The following CRYBG1 variants were observed in gnomAD, a reference collection of about 807,000 sequenced individuals.
CRYBG1 encodes crystallin beta-gamma domain containing 1.
CRYBG1 carries 139 observed loss-of-function variants against 189.2 expected under a neutral mutation model. The ratio of observed to expected loss-of-function variants is 0.73; its 90% confidence interval spans 0.64 to 0.85. The LOEUF is 0.85. CRYBG1 is among the 40% of genes least tolerant of loss of function. The probability of loss-of-function intolerance (pLI) is 0.00; values close to 1 mark genes in which losing one functional copy is unlikely to be tolerated. For synonymous variants in CRYBG1, 1,023 were observed against 1,017.1 expected (o/e 1.01, Z -0.11); for missense variants, 2,611 against 2,675.8 (o/e 0.98, Z 0.53).
rs1227060033 is a variant in CRYBG1 at position 106,539,422 on chromosome 6, C to T, written c.4738C>T (p.Pro1580Ser). 1.9e-6 allele frequency: 3 copies of T among 1,614,014 alleles called. No individual in the cohort carries two copies. The highest frequency in any genetic ancestry group is 2.7e-5 in the African/African-American group (2 of 75,036). The stretch of plus-strand genomic sequence containing the variant: ...ATTTAGGTGGCTGATTTATGAAGAA[C>T]CTGGATTTCAGGGTGTTCCTTTCAT... ...HWGTWLIYEE[P>S]GFQGVPFILE... Residue 1580 changes from proline to serine, a missense_variant, in exon 9 of 22, where the codon CCT (proline) becomes TCT (serine). Transcript: ENST00000633556.
At chr6:106,405,488 G>A (rs1770804032) in intron 1 of CRYBG1, among the ~76,000 whole-genome samples, 1 of 152,226 alleles carries the variant, frequency 6.6e-6, no homozygotes, top group Non-Finnish European at 1.5e-5. Context: ...CTGCCTGCTG[G>A]CTCTGAAGAG....
intron 2 of CRYBG1, among the ~76,000 whole-genome samples, chr6:106,458,443 A>C (rs558948847): frequency 6.6e-6 from 1 of 152,242 alleles, no homozygotes; most frequent in South Asian, 2.1e-4. Flanking sequence ...CTGTGTTGCC[A>C]CTTACCTTGA....
At chr6:106,517,435 C>CATATATATAT (rs1554188250) in intron 3 of CRYBG1, among the ~76,000 whole-genome samples, 2,203 of 124,324 alleles carry the variant, frequency 0.018, 73 homozygotes, top group African/African-American at 0.072. Flanking sequence ...TATATACACA[C>CATATATATAT]ACACATATAT....
chr6:106,429,766 C>T (rs551360533), intron 1 of CRYBG1, among the ~76,000 whole-genome samples: 4 of 152,300 alleles, frequency 2.6e-5, no homozygotes, highest in Non-Finnish European at 5.9e-5. Flanking sequence ...CAAGTAATAA[C>T]ACCTATCTCA....
chr6:106,423,636 C>T (rs1437446406), intron 1 of CRYBG1, among the ~76,000 whole-genome samples: 3 of 147,632 alleles, frequency 2.0e-5, no homozygotes, highest in Non-Finnish European at 4.5e-5. Flanking sequence ...ATTTAATTCA[C>T]TTTTACTTTT....
intron 1 of CRYBG1, among the ~76,000 whole-genome samples, chr6:106,417,919 T>C (rs563067078): frequency 6.6e-6 from 1 of 152,258 alleles, no homozygotes; most frequent in South Asian, 2.1e-4. Context: ...CACAGCTCAA[T>C]GGATGGCAGT....
chr6:106,538,061 G>A (rs1010150617), intron 8 of CRYBG1, among the ~76,000 whole-genome samples: 10 of 152,196 alleles, frequency 6.6e-5, no homozygotes, highest in Non-Finnish European at 1.3e-4. Flanking sequence ...TTGGCATGGT[G>A]TTCTGGGGAA....
rs761941028 is a variant in CRYBG1, at chr6:106,519,713, A to G, written c.2505A>G (p.Ala835=). 9.9e-6 allele frequency: 16 copies of G among 1,614,078 alleles called. No homozygotes were observed. The highest frequency in any genetic ancestry group is 1.2e-5 in the Non-Finnish European group (14 of 1,180,052). ...TACTTGAAAATGTAACCGATACAGC[A>G]CAAGACATCCCCACCACTGTGGATA... ...SLVLENVTDT[A]QDIPTTVDTK... is the part of the protein sequence containing the mutation. The change falls in exon 4 of 22, where the codon GCA becomes GCG. Residue 835 remains alanine (A), a synonymous_variant. Transcript: ENST00000633556.
Position 106,360,750 on chromosome 6 carries a change from G to C in CRYBG1, c.-159G>C. Reference sequence around the variant, plus strand: ...TCGCGCTGCGCTGGGTGCTGGTTCTGCAACCCGCGGCCGTCCCCCCGCATC... The same window carrying C: ...TCGCGCTGCGCTGGGTGCTGGTTCTCCAACCCGCGGCCGTCCCCCCGCATC... On this transcript the variant is annotated 5_prime_UTR_variant, in exon 1 of 22. Coordinates refer to ENST00000633556, the MANE Select transcript of CRYBG1 (RefSeq NM_001371242.2). The C allele has an allele frequency of 1.2e-6, 1 of 811,240 alleles. No homozygotes were observed. Among genetic ancestry groups the C allele is most frequent in the Non-Finnish European group, 1.8e-6 (1 of 548,902 alleles). The allele number at this position is 811,240 out of a possible 1,614,324, so 50.3% of individuals were successfully genotyped here.
rs756681428 is a variant in CRYBG1 at position 106,519,840 on chromosome 6, G to A, written c.2632G>A (p.Ala878Thr). The A allele has an allele frequency of 2.5e-6, 4 of 1,614,122 alleles. No homozygotes were observed. Residue 878 changes from alanine to threonine, a missense_variant, in exon 4 of 22, where the codon GCA becomes ACA. Physicochemically the swap from Ala to Thr is moderately conservative, Grantham distance 58. Around this residue, in one of 3 missense-constraint regions of CRYBG1, gnomAD observed 1,622 missense variants for 1,735.0 expected, o/e 0.93. Transcript: ENST00000633556. ...SSPGPSLSLS[A>T]PAPGDVPKDT... The stretch of plus-strand genomic sequence containing the variant: ...TCCTGGGCCTTCTCTTTCACTGTCT[G>A]CACCCGCTCCTGGGGATGTTCCCAA...
intron 1 of CRYBG1, among the ~76,000 whole-genome samples, chr6:106,368,276 T>C (rs923711537): frequency 3.5e-4 from 53 of 149,860 alleles, no homozygotes; most frequent in African/African-American, 1.1e-3. Flanking sequence ...TACACACACA[T>C]ACACACACAC....
At chr6:106,400,869 A>C (rs1331334718) in intron 1 of CRYBG1, among the ~76,000 whole-genome samples, 1 of 152,200 alleles carries the variant, frequency 6.6e-6, no homozygotes, top group East Asian at 1.9e-4. Context: ...GTCGCAAAGT[A>C]GGTGCAAGAT....
At chr6:106,525,458 C>T in intron 6 of CRYBG1, 72 bp downstream of exon 6, 7 of 1,159,352 alleles carry the variant, frequency 6.0e-6, no homozygotes, top group Non-Finnish European at 9.1e-6. Context: ...TTTTAGTCCT[C>T]ACTACTAGTT....
intron 1 of CRYBG1, among the ~76,000 whole-genome samples, chr6:106,390,278 C>T (rs1023869832): frequency 6.6e-6 from 1 of 152,022 alleles, no homozygotes; most frequent in Admixed American, 6.6e-5. Flanking sequence ...AGTACCAAAG[C>T]AGGAAATAGG....
chr6:106,552,204 GA>G lies in CRYBG1; in HGVS notation c.5461del (p.Arg1821AspfsTer83). 6.3e-7 allele frequency: 1 copy of G among 1,575,954 alleles called. No homozygotes were observed. Reference protein sequence around the residue: ...ICLDSFTGPRRRNQIHLFSEP... With the variant: ...ICLDSFTGPRXRNQIHLFSEP... Reference sequence around the variant, plus strand: ...TTTAGGATTCTTTCACTGGCCCAAGGAGACGAAATCAGGTAACTTTAAAAAT... The same window carrying G: ...TTTAGGATTCTTTCACTGGCCCAAGGGACGAAATCAGGTAACTTTAAAAAT... On this transcript the variant is annotated frameshift_variant, in exon 15 of 22. Coordinates refer to ENST00000633556, the MANE Select transcript of CRYBG1 (RefSeq NM_001371242.2). LOFTEE classifies it high-confidence loss of function.
rs753055962 is a variant in CRYBG1, at chr6:106,563,855, A to C, written c.6230A>C (p.Gln2077Pro). 8 of 1,613,764 alleles carry C rather than the reference A, an allele frequency of 5.0e-6. No homozygotes were observed. In the South Asian group the frequency reaches 8.8e-5, roughly 18 times the overall value. Residue 2077 changes from glutamine to proline, a missense_variant, in exon 21 of 22, where the codon CAG becomes CCG. By Grantham distance (76) the Gln-to-Pro change is moderately conservative. Coordinates refer to ENST00000633556, the MANE Select transcript of CRYBG1 (RefSeq NM_001371242.2). ...GCCCTGGACCAGAATGCTGACAGCCAGTTCTGGAGCTTGAAGTCCGATGGC... is the reference window on the plus strand; with the variant it reads ...GCCCTGGACCAGAATGCTGACAGCCCGTTCTGGAGCTTGAAGTCCGATGGC... ...GLALDQNADS[Q>P]FWSLKSDGRI...
At chr6:106,519,076 T>C (rs945494129) in intron 3 of CRYBG1, 55 bp from the exon 4 acceptor site, 6 of 1,528,412 alleles carry the variant, frequency 3.9e-6, no homozygotes, top group Non-Finnish European at 5.3e-6. Flanking sequence ...TTGGTTTGTG[T>C]GTTCACTTTT....
In CRYBG1 at chr6:106,570,658, T is replaced by C. The variant is rs1272721580; in HGVS notation, c.*2092T>C. 5 of 152,286 alleles carry C rather than the reference T, an allele frequency of 3.3e-5. No individual in the cohort carries two copies. In the East Asian group the frequency reaches 9.7e-4, roughly 29 times the overall value. The allele number at this position is 152,286 out of a possible 1,614,324, so 9.4% of individuals were successfully genotyped here. A position where few individuals can be genotyped will look rare whatever the true frequency, so the allele number is the denominator to read the frequency against. ...GATGAGTGAGGTCCTGGCTCAAGTATTTTACTCCCACTACCACCTGGGAGC... is the reference window on the plus strand; with the variant it reads ...GATGAGTGAGGTCCTGGCTCAAGTACTTTACTCCCACTACCACCTGGGAGC... On this transcript the variant is annotated 3_prime_UTR_variant, in exon 22 of 22. Transcript: ENST00000633556.
At chr6:106,452,516 C>T (rs771535583) in intron 2 of CRYBG1, among the ~76,000 whole-genome samples, 27 of 151,868 alleles carry the variant, frequency 1.8e-4, no homozygotes, top group Middle Eastern at 3.4e-3. Flanking sequence ...GTGCCTTTTG[C>T]GCGCCCTTTT....
Sources: gnomAD v4.1 joint callset for allele counts (sites outside exome capture counted in the v4.1 genomes callset) on GRCh38, gnomAD v4.1.1 for gene constraint, gnomAD v4.1.1 regional missense constraint, MANE v1.5 for transcripts, NCBI Gene and HGNC (gene_info 2026-07-23, HGNC 2026-07-21) for gene names.